DDX60L: variants seen among roughly 807,000 people sequenced by gnomAD.
The protein encoded by DDX60L is probable ATP-dependent RNA helicase DDX60-like.
A neutral mutation model predicts 211.6 loss-of-function variants in DDX60L; 191 were observed. That is an observed-to-expected ratio of 0.90 (90% CI 0.80 to 1.02). The LOEUF (loss-of-function observed/expected upper bound fraction) is 1.02, where lower values mean the gene tolerates loss of function less well. Among genes scored for constraint, DDX60L ranks in the 50% least tolerant of loss-of-function variants. DDX60L has a pLI of 0.00. For missense variants in DDX60L, 2,007 were observed against 1,984.1 expected (o/e 1.01, Z -0.22); for synonymous variants, 706 against 694.1 (o/e 1.02, Z -0.27).
In DDX60L at chr4:168,415,594, C is replaced by T. The variant is rs561040721; in HGVS notation, c.2869+63G>A. 8 of 1,415,728 alleles carry T rather than the reference C, an allele frequency of 5.7e-6. No homozygotes were observed. In the South Asian group the frequency reaches 9.9e-5, roughly 18 times the overall value. The allele number at this position is 1,415,728 out of a possible 1,614,324, so 87.7% of individuals were successfully genotyped here. On this transcript the variant is annotated intron_variant, in intron 21 of 37. Coordinates refer to ENST00000682922, the MANE Select transcript of DDX60L (RefSeq NM_001012967.3). ...ATATGGATTTAAAACACAAAAATCC[C>T]TATAAAAAGCTTTGTAGTAAAATAT...
chr4:168,451,500 C>CCT (rs1755794437), intron 8 of DDX60L, among the ~76,000 whole-genome samples: 1 of 152,198 alleles, frequency 6.6e-6, no homozygotes, highest in Non-Finnish European at 1.5e-5. Context: ...CTGTCAGTTT[C>CCT]AAAGCCTAAA....
At chr4:168,419,455 C>T (rs1263464239) in intron 18 of DDX60L, 58 bp from the exon 19 acceptor site, 5 of 1,293,756 alleles carry the variant, frequency 3.9e-6, no homozygotes, top group South Asian at 1.4e-5. Context: ...TTATATCAGG[C>T]ATAGTAATAG....
intron 8 of DDX60L, among the ~76,000 whole-genome samples, chr4:168,451,518 TG>T (rs543429055): frequency 2.0e-5 from 3 of 152,362 alleles, no homozygotes; most frequent in Admixed American, 2.0e-4. Flanking sequence ...AAAGAACTCT[TG>T]TATCTTTGAC....
At position 168,362,439 on chromosome 4, in the gene DDX60L, G is replaced by A. The variant is rs544456633; in HGVS notation, c.4929-1228C>T. ...CTCCAGAGACACTACTGCACAGCTG[G>A]CTGGCTCACTGCACCCACAGATACC... On this transcript the variant is annotated intron_variant, in intron 36 of 37. Transcript: ENST00000682922. Among the ~76,000 whole-genome samples the A allele has an allele frequency of 2.6e-5, 4 of 152,274 alleles. No individual in the cohort carries two copies. In the East Asian group the frequency reaches 7.7e-4, roughly 29 times the overall value.
rs965805352 is a variant in DDX60L, at chr4:168,467,675, C to A, written c.264+4072G>T. Among the ~76,000 whole-genome samples, 39 of 152,082 alleles carry A rather than the reference C, an allele frequency of 2.6e-4. 1 individual carries two copies. Among genetic ancestry groups the A allele is most frequent in the African/African-American group, 9.4e-4 (39 of 41,398 alleles). ...TTATTAACGAAATTGACTTTGTTAT[C>A]AAAAATTTTATTCCAAGGAAAACTC... On this transcript the variant is annotated intron_variant, in intron 4 of 37. Coordinates refer to ENST00000682922, the MANE Select transcript of DDX60L (RefSeq NM_001012967.3).
At chr4:168,477,259 C>CA (rs1246942396) in intron 1 of DDX60L, among the ~76,000 whole-genome samples, 4 of 151,946 alleles carry the variant, frequency 2.6e-5, no homozygotes, top group Non-Finnish European at 5.9e-5. Flanking sequence ...ACTAAAAATA[C>CA]AAAAAATTAG....
intron 13 of DDX60L, among the ~76,000 whole-genome samples, chr4:168,430,123 C>T (rs956627114): frequency 4.6e-5 from 7 of 152,038 alleles, no homozygotes; most frequent in Non-Finnish European, 7.4e-5. Context: ...TGCTTCAACC[C>T]GGGAGGCGGA....
At chr4:168,415,356 G>T in intron 22 of DDX60L, 52 bp downstream of exon 22, 1 of 1,108,562 alleles carries the variant, frequency 9.0e-7, no homozygotes, top group Non-Finnish European at 1.3e-6. Flanking sequence ...CTTTCCAGTT[G>T]CGATATACAC....
intron 19 of DDX60L, among the ~76,000 whole-genome samples, chr4:168,417,351 CCTT>C (rs1356031884): frequency 6.6e-6 from 1 of 152,130 alleles, no homozygotes; most frequent in Non-Finnish European, 1.5e-5. Flanking sequence ...AACATACTGG[CCTT>C]CTTTTCATAC....
At chr4:168,379,926 G>C (rs3749498) in intron 30 of DDX60L, 96 bp from the exon 31 acceptor site, 1 of 748,522 alleles carries the variant, frequency 1.3e-6, no homozygotes, top group African/African-American at 1.8e-5. Context: ...ATATAGATAA[G>C]GTTACCAGAT....
chr4:168,369,193 G>C (rs907685586), intron 36 of DDX60L, among the ~76,000 whole-genome samples: 3 of 152,120 alleles, frequency 2.0e-5, no homozygotes, highest in African/African-American at 7.2e-5. Flanking sequence ...ATGTGTCATG[G>C]GAGGAACCCG....
At chr4:168,403,144 A>G (rs2149785714) in intron 25 of DDX60L, among the ~76,000 whole-genome samples, 1 of 152,346 alleles carries the variant, frequency 6.6e-6, no homozygotes, top group Non-Finnish European at 1.5e-5. Context: ...AGCACAAAAG[A>G]AGAAGAAATT....
intron 36 of DDX60L, among the ~76,000 whole-genome samples, chr4:168,368,647 A>G (rs1398968543): frequency 6.6e-6 from 1 of 152,222 alleles, no homozygotes; most frequent in Non-Finnish European, 1.5e-5. Flanking sequence ...GCACCTGGAA[A>G]AGCCACAGAC....
chr4:168,406,967 A>T (rs983651495), intron 22 of DDX60L, among the ~76,000 whole-genome samples: 1 of 152,182 alleles, frequency 6.6e-6, no homozygotes, highest in Non-Finnish European at 1.5e-5. Context: ...TATTTGCACT[A>T]GATAATAAAC....
chr4:168,373,393 C>T (rs1363065923), intron 35 of DDX60L, among the ~76,000 whole-genome samples: 1 of 152,070 alleles, frequency 6.6e-6, no homozygotes, highest in Non-Finnish European at 1.5e-5. Flanking sequence ...TTCTTTTCCT[C>T]TTCCCACAGC....
At chr4:168,421,566 A>C (rs941444715) in intron 17 of DDX60L, among the ~76,000 whole-genome samples, 194 bp downstream of exon 17, 18 of 152,154 alleles carry the variant, frequency 1.2e-4, no homozygotes, top group African/African-American at 4.3e-4. Context: ...GAGGCGGGAG[A>C]ATCACTTGAA....
intron 19 of DDX60L, among the ~76,000 whole-genome samples, chr4:168,417,233 T>C (rs1484273156): frequency 1.3e-5 from 2 of 152,216 alleles, no homozygotes; most frequent in African/African-American, 4.8e-5. Flanking sequence ...GCATTTACAG[T>C]AAACCACAAG....
At chr4:168,375,967 C>T (rs1159220642) in intron 33 of DDX60L, among the ~76,000 whole-genome samples, 1 of 152,180 alleles carries the variant, frequency 6.6e-6, no homozygotes, top group Non-Finnish European at 1.5e-5. Context: ...CAACCCTATG[C>T]AGTAAACATT....
chr4:168,465,060 T>C (rs1035976098), intron 4 of DDX60L, among the ~76,000 whole-genome samples: 1 of 152,126 alleles, frequency 6.6e-6, no homozygotes, highest in Non-Finnish European at 1.5e-5. Context: ...TTGTGTTTTT[T>C]GAGGAACCTC....
Sources: allele counts gnomAD v4.1 joint callset (sites outside exome capture counted in the v4.1 genomes callset), GRCh38; gene constraint gnomAD v4.1.1; transcripts MANE v1.5; gene names NCBI Gene and HGNC (gene_info 2026-07-23, HGNC 2026-07-21).